Variants in SP140 observed in about 807,000 individuals in gnomAD.
SP140 encodes nuclear body protein SP140.
A neutral mutation model predicts 125.0 loss-of-function variants in SP140; 81 were observed. The ratio of observed to expected loss-of-function variants is 0.65; its 90% confidence interval spans 0.54 to 0.78. The LOEUF (loss-of-function observed/expected upper bound fraction) is 0.78, where lower values mean the gene tolerates loss of function less well. SP140 is among the 30% of genes least tolerant of loss of function. The probability of loss-of-function intolerance (pLI) is 0.00; values close to 1 mark genes in which losing one functional copy is unlikely to be tolerated. For missense variants in SP140, 858 were observed against 1,037.0 expected (o/e 0.83, Z 2.37); for synonymous variants, 312 against 354.0 (o/e 0.88, Z 1.33).
chr2:230,213,727 T>G (rs2044755253), exon 2 of SP140: 3 of 152,640 alleles, frequency 2.0e-5, no homozygotes, highest in Admixed American at 2.0e-4. Flanking sequence ...CAGAACAAAA[T>G]CATCAGGTTG....
intron 12 of SP140, among the ~76,000 whole-genome samples, chr2:230,260,004 T>C (rs2051956604): frequency 6.6e-6 from 1 of 152,102 alleles, no homozygotes; most frequent in Non-Finnish European, 1.5e-5. Flanking sequence ...TTTAGTTCTT[T>C]AAGGAATCTC....
chr2:230,282,211 T>C (rs1226685704), intron 15 of SP140, among the ~76,000 whole-genome samples: 4 of 152,206 alleles, frequency 2.6e-5, no homozygotes, highest in Non-Finnish European at 5.9e-5. Flanking sequence ...AGGCATCTCC[T>C]CTGGAAAATT....
intron 5 of SP140, among the ~76,000 whole-genome samples, chr2:230,244,709 A>G (rs1295902318): frequency 6.6e-6 from 1 of 152,122 alleles, no homozygotes; most frequent in African/African-American, 2.4e-5. Flanking sequence ...AACAGAAAAG[A>G]AAAAGAGAGG....
intron 3 of SP140, chr2:230,214,918 A>T: frequency 6.3e-7 from 1 of 1,598,700 alleles, no homozygotes; most frequent in Non-Finnish European, 8.6e-7. Flanking sequence ...GCAACTTTTT[A>T]AATGCAAAAA....
intron 22 of SP140, among the ~76,000 whole-genome samples, chr2:230,299,012 A>G (rs1015569785): frequency 1.3e-5 from 2 of 152,216 alleles, no homozygotes; most frequent in Non-Finnish European, 2.9e-5. Flanking sequence ...CAGGCCAACA[A>G]CCAAAGAACC....
chr2:230,251,406 C>T (rs892777019), intron 10 of SP140, among the ~76,000 whole-genome samples: 2 of 152,122 alleles, frequency 1.3e-5, no homozygotes, highest in Non-Finnish European at 2.9e-5. Flanking sequence ...AATAAGATCT[C>T]CTGATACCCT....
At chr2:230,226,762 C>CAAAAAAAAAAAGAAAAAAAAAAAA (rs2046452226) in intron 1 of SP140, among the ~76,000 whole-genome samples, 1 of 94,264 alleles carries the variant, frequency 1.1e-5, no homozygotes, top group Non-Finnish European at 2.1e-5. Context: ...AATTCCATCT[C>CAAAAAAAAAAAGAAAAAAAAAAAA]AAAAAAAAAA....
intron 19 of SP140, among the ~76,000 whole-genome samples, chr2:230,291,929 T>C (rs887072434): frequency 4.6e-5 from 7 of 152,264 alleles, no homozygotes; most frequent in African/African-American, 1.7e-4. Context: ...ATCGTCTGTC[T>C]GTCTTTTTTT....
At chr2:230,198,023 G>A in the SP140 span, among the ~76,000 whole-genome samples, 1 of 152,214 alleles carries the variant, frequency 6.6e-6, no homozygotes, top group African/African-American at 2.4e-5. Flanking sequence ...AGGCTGTGCT[G>A]CAGTAACAAA....
intron 18 of SP140, among the ~76,000 whole-genome samples, chr2:230,289,974 GA>G (rs1048090562): frequency 1.3e-5 from 2 of 152,140 alleles, no homozygotes; most frequent in African/African-American, 2.4e-5. Context: ...TGAACTAAAG[GA>G]GAGAACAAAA....
chr2:230,283,762 G>A (rs1395804405), intron 15 of SP140, among the ~76,000 whole-genome samples: 1 of 152,202 alleles, frequency 6.6e-6, no homozygotes, highest in Non-Finnish European at 1.5e-5. Context: ...TGGCCAGTTT[G>A]AGGACACTGA....
At chr2:230,188,047 A>G in the SP140 span, among the ~76,000 whole-genome samples, 2 of 152,126 alleles carry the variant, frequency 1.3e-5, no homozygotes, top group African/African-American at 4.8e-5. Flanking sequence ...GATATTTGAT[A>G]AGAATTGCAT....
At position 230,238,326 on chromosome 2, in the gene SP140, G is replaced by A. The variant is rs773507060; in HGVS notation, c.351G>A (p.Arg117=). The part of the protein sequence containing the change: ...GWSHLEALFS[R]INLMAYPDLN... ...CACATCTGGAAGCATTGTTCAGCAG[G>A]ATTAACCTGATGGCCTATCCTGATT... Residue 117 remains arginine (R), a synonymous_variant, in exon 3 of 27, where the codon AGG becomes AGA. Coordinates refer to ENST00000392045, the MANE Select transcript of SP140 (RefSeq NM_007237.5). 8 of 1,613,938 alleles carry A rather than the reference G, an allele frequency of 5.0e-6. No homozygotes were observed. The highest frequency in any genetic ancestry group is 2.2e-5 in the South Asian group (2 of 91,066).
Position 230,248,045 on chromosome 2 carries a change from G to A in SP140, c.872G>A (p.Ser291Asn), listed in dbSNP as rs2049759599. ...RNQDKEKYQESPEGRDKETFD... is the reference protein window; with the variant it reads ...RNQDKEKYQENPEGRDKETFD... Reference sequence around the variant, plus strand: ...CAAGACAAGGAGAAGTACCAAGAGAGTCCAGAGGGAAGAGACAAAGGTAGG... The same window carrying A: ...CAAGACAAGGAGAAGTACCAAGAGAATCCAGAGGGAAGAGACAAAGGTAGG... Residue 291 changes from serine to asparagine, a missense_variant, in exon 8 of 27, where the codon AGT (serine) becomes AAT (asparagine). Transcript: ENST00000392045. The A allele has an allele frequency of 1.2e-6, 2 of 1,613,532 alleles. No homozygotes were observed. Among genetic ancestry groups the A allele is most frequent in the South Asian group, 1.1e-5 (1 of 91,038 alleles).
At chr2:230,301,484 G>A (rs760456276) in intron 22 of SP140, among the ~76,000 whole-genome samples, 11 of 152,268 alleles carry the variant, frequency 7.2e-5, no homozygotes, top group Non-Finnish European at 1.3e-4. Context: ...CCTATCTTTA[G>A]CCTCCTTAAA....
intron 21 of SP140, 72 bp downstream of exon 21, chr2:230,294,390 G>A: frequency 1.7e-6 from 2 of 1,198,332 alleles, no homozygotes; most frequent in Non-Finnish European, 2.5e-6. Context: ...CTTATTTTAT[G>A]GGGTCTGAAA....
chr2:230,282,193 T>C (rs2055673228), intron 15 of SP140, among the ~76,000 whole-genome samples: 1 of 152,140 alleles, frequency 6.6e-6, no homozygotes, highest in South Asian at 2.1e-4. Context: ...TAAGCAAATC[T>C]CTTCTGGAGG....
intron 21 of SP140, 60 bp downstream of exon 21, chr2:230,294,378 A>G: frequency 7.7e-7 from 1 of 1,291,380 alleles, no homozygotes; most frequent in Non-Finnish European, 1.1e-6. Context: ...CATGCACAAA[A>G]TCTTATTTTA....
chr2:230,290,329 C>A, intron 18 of SP140, 131 bp from the exon 19 acceptor site: 2 of 796,926 alleles, frequency 2.5e-6, no homozygotes, highest in Non-Finnish European at 4.0e-6. Context: ...GGAAGAAAGA[C>A]TTTGAAACTC....
Sources: allele counts gnomAD v4.1 joint callset (sites outside exome capture counted in the v4.1 genomes callset), GRCh38; gene constraint gnomAD v4.1.1; transcripts MANE v1.5; gene names NCBI Gene and HGNC (gene_info 2026-07-23, HGNC 2026-07-21).